CLIC5: variants seen among roughly 807,000 people sequenced by gnomAD.
CLIC5 encodes the protein chloride intracellular channel protein 5.
Under a neutral mutation model 24.7 loss-of-function variants are expected in CLIC5, and 20 were observed. The observed-to-expected ratio is 0.81, with a 90% CI of 0.57 to 1.18. The LOEUF is 1.18. CLIC5 is among the 50% of genes most tolerant of loss of function. The pLI is 0.00. For synonymous variants in CLIC5, 159 were observed against 135.6 expected (o/e 1.17, Z -1.20); for missense variants, 341 against 326.1 (o/e 1.05, Z -0.35).
At chr6:45,912,215 G>T (rs2127305428) in intron 5 of CLIC5, 5 of 987,700 alleles carry the variant, frequency 5.1e-6, no homozygotes, top group Middle Eastern at 5.2e-4. Flanking sequence ...TTAGAGGTTT[G>T]CCAGGTTTCT....
At chr6:46,008,729 G>A (rs1284240674) in intron 1 of CLIC5, among the ~76,000 whole-genome samples, 4 of 152,034 alleles carry the variant, frequency 2.6e-5, no homozygotes, top group Admixed American at 2.6e-4. Flanking sequence ...ATATACAAAG[G>A]AAGAAAAGAA....
intron 1 of CLIC5, among the ~76,000 whole-genome samples, chr6:45,961,284 A>G (rs1764834033): frequency 6.6e-6 from 1 of 152,208 alleles, no homozygotes; most frequent in African/African-American, 2.4e-5. Flanking sequence ...TGTTAAGTGT[A>G]CAGATAAAAA....
chr6:45,986,994 T>A (rs201134813), intron 1 of CLIC5, among the ~76,000 whole-genome samples: 1 of 152,346 alleles, frequency 6.6e-6, no homozygotes, highest in Admixed American at 6.5e-5. Context: ...TCAGTGGCAG[T>A]GTGTCTCACT....
At chr6:45,897,413 G>A (rs900226695), downstream of CLIC5, among the ~76,000 whole-genome samples, 1 of 152,106 alleles carries the variant, frequency 6.6e-6, no homozygotes, top group East Asian at 1.9e-4. Flanking sequence ...ATCTGAGGGT[G>A]GGAGTGTGTG....
At chr6:46,127,339 T>C in the CLIC5 span, among the ~76,000 whole-genome samples, 2 of 152,338 alleles carry the variant, frequency 1.3e-5, no homozygotes, top group African/African-American at 4.8e-5. Flanking sequence ...TATCTAACTG[T>C]ATGTTTGCTC....
chr6:46,113,225 G>A, the CLIC5 span, among the ~76,000 whole-genome samples: 3 of 152,148 alleles, frequency 2.0e-5, no homozygotes, highest in Non-Finnish European at 4.4e-5. Flanking sequence ...CTGAATATGA[G>A]AGAACATTTG....
the CLIC5 span, among the ~76,000 whole-genome samples, chr6:46,127,471 A>G: frequency 1.3e-5 from 2 of 152,236 alleles, no homozygotes; most frequent in African/African-American, 2.4e-5. Flanking sequence ...AAATTTATAT[A>G]AAATTCCCTT....
chr6:46,123,643 G>C, the CLIC5 span, among the ~76,000 whole-genome samples: 1 of 152,182 alleles, frequency 6.6e-6, no homozygotes, highest in African/African-American at 2.4e-5. Flanking sequence ...AAGTCAAATT[G>C]TCTCTGTTTG....
chr6:45,880,872 C>T (rs989696007), downstream of CLIC5: 8 of 337,478 alleles, frequency 2.4e-5, no homozygotes, highest in African/African-American at 4.2e-5. Context: ...AGGGAACCGA[C>T]GGGCGTTGCC....
intron 1 of CLIC5, among the ~76,000 whole-genome samples, chr6:46,013,199 T>C (rs1766866913): frequency 6.6e-6 from 1 of 152,176 alleles, no homozygotes; most frequent in Non-Finnish European, 1.5e-5. Context: ...GAAGTCTTCA[T>C]AGAAACCAAC....
At chr6:46,003,412 T>TA (rs1766430088) in intron 1 of CLIC5, among the ~76,000 whole-genome samples, 1 of 152,148 alleles carries the variant, frequency 6.6e-6, no homozygotes, top group South Asian at 2.1e-4. Flanking sequence ...TGGGGATAAA[T>TA]ACCTTTGCAA....
At chr6:46,040,396 G>T (rs534151512) in intron 1 of CLIC5, among the ~76,000 whole-genome samples, 1 of 152,146 alleles carries the variant, frequency 6.6e-6, no homozygotes, top group African/African-American at 2.4e-5. Context: ...ATGAGGCTTG[G>T]TGGTGGTACA....
chr6:46,109,522 A>T, the CLIC5 span, among the ~76,000 whole-genome samples: 1 of 47,090 alleles, frequency 2.1e-5, no homozygotes, highest in Non-Finnish European at 6.1e-5. Flanking sequence ...CTAAAAAAAA[A>T]AAAAAAAAAA....
Position 45,898,954 on chromosome 6 carries a change from C to T in CLIC5, c.*4134G>A, listed in dbSNP as rs1038680365. On this transcript the variant is annotated 3_prime_UTR_variant, in exon 6 of 6. Coordinates refer to ENST00000339561, the MANE Select transcript of CLIC5 (RefSeq NM_016929.5). Reference sequence around the variant, plus strand: ...TAGCCCAAACCTTATATTGAGGCAACGTATTTTATTTATTTTTGGTTGCAA... The same window carrying T: ...TAGCCCAAACCTTATATTGAGGCAATGTATTTTATTTATTTTTGGTTGCAA... 1.3e-5 allele frequency: 2 copies of T among 152,118 alleles called. No individual in the cohort carries two copies. The highest frequency in any genetic ancestry group is 2.4e-5 in the African/African-American group (1 of 41,390). The allele number at this position is 152,118 out of a possible 1,614,324, so 9.4% of individuals were successfully genotyped here. A position where few individuals can be genotyped will look rare whatever the true frequency, so the allele number is the denominator to read the frequency against.
chr6:46,076,115 C>T (rs1482682971), intron 1 of CLIC5, among the ~76,000 whole-genome samples: 1 of 152,192 alleles, frequency 6.6e-6, no homozygotes, highest in Non-Finnish European at 1.5e-5. Context: ...CTTCCAAAAT[C>T]GCCCAATGCC....
At chr6:45,989,632 A>G (rs1765861653) in intron 1 of CLIC5, among the ~76,000 whole-genome samples, 2 of 152,240 alleles carry the variant, frequency 1.3e-5, no homozygotes, top group African/African-American at 2.4e-5. Context: ...CTTGCTCTTT[A>G]TAGCAATCTC....
At chr6:45,993,452 T>C (rs1284017676) in intron 1 of CLIC5, among the ~76,000 whole-genome samples, 1 of 152,224 alleles carries the variant, frequency 6.6e-6, no homozygotes, top group East Asian at 1.9e-4. Context: ...TTGTAGGAAA[T>C]GTGGAAGTAA....
intron 4 of CLIC5, among the ~76,000 whole-genome samples, chr6:45,915,242 T>C (rs932812627): frequency 2.6e-5 from 4 of 152,090 alleles, no homozygotes; most frequent in Admixed American, 6.5e-5. Context: ...CTAGCCATTT[T>C]TTTAAAAAGT....
At chr6:45,917,213 C>T (rs1763065872) in intron 4 of CLIC5, among the ~76,000 whole-genome samples, 1 of 152,176 alleles carries the variant, frequency 6.6e-6, no homozygotes, top group African/African-American at 2.4e-5. Context: ...TGAGTTTCTG[C>T]TTTCTCATCT....
Sources: allele counts gnomAD v4.1 joint callset (sites outside exome capture counted in the v4.1 genomes callset), GRCh38; gene constraint gnomAD v4.1.1; transcripts MANE v1.5; gene names NCBI Gene and HGNC (gene_info 2026-07-23, HGNC 2026-07-21).